Variants in IL15 observed in about 807,000 individuals in gnomAD.
The protein encoded by IL15 is interleukin 15.
Under a neutral mutation model 19.6 loss-of-function variants are expected in IL15, and 11 were observed. The observed-to-expected ratio is 0.56, with a 90% CI of 0.35 to 0.93. The LOEUF (loss-of-function observed/expected upper bound fraction) is 0.93. Ranked by LOEUF, IL15 falls within the 40% of genes least tolerant of loss-of-function variation. The pLI is 0.01. For synonymous variants in IL15, 58 were observed against 59.6 expected (o/e 0.97, Z 0.12); for missense variants, 197 against 186.5 (o/e 1.06, Z -0.33).
At chr4:141,691,246 A>G (rs1344664882) in intron 2 of IL15, among the ~76,000 whole-genome samples, 1 of 152,156 alleles carries the variant, frequency 6.6e-6, no homozygotes, top group Non-Finnish European at 1.5e-5. Context: ...CCTATGATCC[A>G]ATCACCTCAC....
intron 5 of IL15, among the ~76,000 whole-genome samples, chr4:141,725,559 A>AC (rs1730229448): frequency 6.6e-6 from 1 of 152,152 alleles, no homozygotes; most frequent in Non-Finnish European, 1.5e-5. Flanking sequence ...TATTTAAGTC[A>AC]CCAAGTCTGT....
At chr4:141,647,125 T>C (rs1306047149) in intron 1 of IL15, among the ~76,000 whole-genome samples, 1 of 152,102 alleles carries the variant, frequency 6.6e-6, no homozygotes, top group African/African-American at 2.4e-5. Context: ...CAGCAGTTAA[T>C]AATTTTGAGT....
intron 2 of IL15, among the ~76,000 whole-genome samples, chr4:141,663,934 T>C (rs1175211240): frequency 6.6e-6 from 1 of 152,116 alleles, no homozygotes; most frequent in African/African-American, 2.4e-5. Flanking sequence ...GCCTTCATTT[T>C]GAAATATAAT....
At chr4:141,641,472 A>G (rs1273713567) in intron 1 of IL15, among the ~76,000 whole-genome samples, 1 of 152,148 alleles carries the variant, frequency 6.6e-6, no homozygotes. Context: ...CTGAATTAAG[A>G]AAATGTGGCA....
intron 2 of IL15, among the ~76,000 whole-genome samples, chr4:141,711,776 G>A (rs1729725084): frequency 6.6e-6 from 1 of 151,884 alleles, no homozygotes; most frequent in Admixed American, 6.6e-5. Context: ...TTATTTCATA[G>A]ACATTCTGTG....
intron 2 of IL15, among the ~76,000 whole-genome samples, chr4:141,692,265 T>C (rs1728938214): frequency 6.6e-6 from 1 of 152,196 alleles, no homozygotes; most frequent in East Asian, 1.9e-4. Context: ...GTTTTTATTT[T>C]CCTAGGCCTC....
intron 2 of IL15, among the ~76,000 whole-genome samples, chr4:141,674,661 TATTA>T (rs1196323367): frequency 3.9e-5 from 6 of 152,162 alleles, no homozygotes; most frequent in Non-Finnish European, 7.4e-5. Flanking sequence ...AGTAACAGCA[TATTA>T]ATTTATTGCT....
In IL15 at chr4:141,689,848, C is replaced by T. The variant is rs184678775; in HGVS notation, c.-99-29518C>T. Among the ~76,000 whole-genome samples, 533 of 152,346 alleles carry T rather than the reference C, an allele frequency of 3.5e-3. 1 individual carries two copies. Among genetic ancestry groups the T allele is most frequent in the African/African-American group, 9.1e-3 (380 of 41,594 alleles). ...GTGGAGCTGCCTGCCAGTCCTGCTCCGTGCGCCTACACTCCTCAGCCCTTG... is the reference window on the plus strand; with the variant it reads ...GTGGAGCTGCCTGCCAGTCCTGCTCTGTGCGCCTACACTCCTCAGCCCTTG... On this transcript the variant is annotated intron_variant, in intron 2 of 7. Transcript: ENST00000320650.
At chr4:141,646,768 T>G (rs1578985973) in intron 1 of IL15, among the ~76,000 whole-genome samples, 1 of 152,202 alleles carries the variant, frequency 6.6e-6, no homozygotes, top group East Asian at 1.9e-4. Flanking sequence ...TGATTTAATA[T>G]TTTCATATAA....
At chr4:141,654,883 C>T (rs1385258930) in intron 1 of IL15, among the ~76,000 whole-genome samples, 2 of 152,090 alleles carry the variant, frequency 1.3e-5, no homozygotes, top group East Asian at 1.9e-4. Flanking sequence ...TTGCTATCTT[C>T]CTAGGAACAT....
At position 141,702,375 on chromosome 4, in the gene IL15, AAT is replaced by A. The variant is rs1729349774; in HGVS notation, c.-99-16990_-99-16989del. Among the ~76,000 whole-genome samples the A allele has an allele frequency of 1.3e-5, 2 of 152,148 alleles. 1 individual carries two copies. Among genetic ancestry groups the A allele is most frequent in the South Asian group, 4.1e-4 (2 of 4,828 alleles). ...ACCAGACTCTGGGCTGGTGATGGAG[AAT>A]GTCTGCAAAGGATCCAGTGATGTGA... On this transcript the variant is annotated intron_variant, in intron 2 of 7. Transcript: ENST00000320650.
chr4:141,698,365 G>A (rs2152180549), intron 2 of IL15, among the ~76,000 whole-genome samples: 1 of 152,032 alleles, frequency 6.6e-6, no homozygotes, highest in Non-Finnish European at 1.5e-5. Context: ...ATGATTTAGG[G>A]AGGATTCTCT....
At chr4:141,695,971 A>G (rs938699489) in intron 2 of IL15, among the ~76,000 whole-genome samples, 1 of 151,620 alleles carries the variant, frequency 6.6e-6, no homozygotes, top group African/African-American at 2.4e-5. Context: ...TCATTTTCCT[A>G]TTTTTGCTTT....
intron 2 of IL15, among the ~76,000 whole-genome samples, chr4:141,670,055 C>T (rs1006664810): frequency 5.3e-5 from 8 of 150,282 alleles, no homozygotes; most frequent in African/African-American, 2.0e-4. Context: ...TTTTTCTGAG[C>T]CCTGTAAAGT....
chr4:141,727,093 T>C (rs894892185), intron 5 of IL15, among the ~76,000 whole-genome samples: 5 of 152,136 alleles, frequency 3.3e-5, no homozygotes, highest in African/African-American at 4.8e-5. Flanking sequence ...CAGGCTACTT[T>C]TAAAGCAGTG....
chr4:141,639,161 G>C (rs1726960911), intron 1 of IL15, among the ~76,000 whole-genome samples: 1 of 152,096 alleles, frequency 6.6e-6, no homozygotes, highest in Admixed American at 6.5e-5. Context: ...AAATTATCAA[G>C]GTCACAGAGC....
At chr4:141,690,384 C>T (rs1445919430) in intron 2 of IL15, among the ~76,000 whole-genome samples, 2 of 152,128 alleles carry the variant, frequency 1.3e-5, no homozygotes, top group Non-Finnish European at 2.9e-5. Flanking sequence ...CGAGAGCGAG[C>T]GAGGGCTGTG....
Position 141,729,863 on chromosome 4 carries a change from C to G in IL15, c.257C>G (p.Thr86Arg), listed in dbSNP as rs770313768. The G allele has an allele frequency of 6.4e-7, 1 of 1,569,296 alleles. No homozygotes were observed. The highest frequency in any genetic ancestry group is 8.8e-7 in the Non-Finnish European group (1 of 1,140,886). The change falls in exon 7 of 8, where the codon ACA (threonine) becomes AGA (arginine). Residue 86 changes from threonine (T) to arginine (R), a missense_variant. Physicochemically the swap from Thr to Arg is moderately conservative, Grantham distance 71 (BLOSUM62 -1). Coordinates refer to ENST00000320650, the MANE Select transcript of IL15 (RefSeq NM_000585.5). Reference protein sequence around the residue: ...ESDVHPSCKVTAMKCFLLELQ... With the variant: ...ESDVHPSCKVRAMKCFLLELQ... ...TATTTTTAGCCCAGTTGCAAAGTAACAGCAATGAAGTGCTTTCTCTTGGAG... is the reference window on the plus strand; with the variant it reads ...TATTTTTAGCCCAGTTGCAAAGTAAGAGCAATGAAGTGCTTTCTCTTGGAG...
At chr4:141,691,190 A>G (rs918795639) in intron 2 of IL15, among the ~76,000 whole-genome samples, 5 of 152,228 alleles carry the variant, frequency 3.3e-5, no homozygotes, top group Non-Finnish European at 5.9e-5. Flanking sequence ...ATCATATCTC[A>G]TGAGAATTCC....
Sources: allele counts gnomAD v4.1 joint callset (sites outside exome capture counted in the v4.1 genomes callset), GRCh38; gene constraint gnomAD v4.1.1; transcripts MANE v1.5; gene names NCBI Gene and HGNC (gene_info 2026-07-23, HGNC 2026-07-21).